The following PPP2R3A variants were observed in gnomAD, a reference collection of about 807,000 sequenced individuals.
PPP2R3A encodes the protein serine/threonine-protein phosphatase 2A regulatory subunit B'' subunit alpha.
In PPP2R3A, 80 loss-of-function variants were observed where a neutral mutation model predicts 106.9. That is an observed-to-expected ratio of 0.75 (90% CI 0.62 to 0.90). The LOEUF (loss-of-function observed/expected upper bound fraction) is 0.90, where lower values mean the gene tolerates loss of function less well. Among genes scored for constraint, PPP2R3A ranks in the 40% least tolerant of loss-of-function variants. PPP2R3A has a pLI of 0.00. For missense variants in PPP2R3A, 1,386 were observed against 1,350.4 expected (o/e 1.03, Z -0.41); for synonymous variants, 483 against 468.3 (o/e 1.03, Z -0.41).
chr3:136,006,158 A>G (rs896256271), intron 2 of PPP2R3A, among the ~76,000 whole-genome samples: 11 of 152,232 alleles, frequency 7.2e-5, no homozygotes, highest in Non-Finnish European at 1.6e-4. Context: ...GACTGAAATC[A>G]GAATCTTATT....
chr3:136,081,062 C>CG (rs1936765822), intron 7 of PPP2R3A, among the ~76,000 whole-genome samples: 1 of 151,698 alleles, frequency 6.6e-6, no homozygotes, highest in Non-Finnish European at 1.5e-5. Context: ...GGCGCGATCT[C>CG]GGCTCACTGC....
chr3:136,027,627 G>A (rs1934715906), intron 3 of PPP2R3A, among the ~76,000 whole-genome samples: 1 of 152,096 alleles, frequency 6.6e-6, no homozygotes, highest in African/African-American at 2.4e-5. Flanking sequence ...ACTTGATTCT[G>A]TGCCTCCAGC....
In PPP2R3A at chr3:136,087,919, G is replaced by A. The variant is rs777250031; in HGVS notation, c.2825G>A (p.Gly942Asp). 3 of 1,608,888 alleles carry A rather than the reference G, an allele frequency of 1.9e-6. No homozygotes were observed. The South Asian group carries it at 3.3e-5, about 18-fold the overall frequency. ...SSRIIERIFS[G>D]AVTRGKTIQK... is the part of the protein sequence containing the mutation. ...AGGATTATTGAAAGGATATTCTCTG[G>A]TGCAGTAACAAGGTAAGAAAACGTT... Residue 942 changes from glycine to aspartate, a missense_variant, in exon 9 of 14, where the codon GGT becomes GAT. Transcript: ENST00000264977.
intron 1 of PPP2R3A, among the ~76,000 whole-genome samples, chr3:135,999,215 A>G (rs546897419): frequency 3.3e-5 from 5 of 152,322 alleles, no homozygotes; most frequent in African/African-American, 1.2e-4. Context: ...TACTGTTGTA[A>G]GCATCTGACA....
In PPP2R3A at chr3:136,128,912, A is replaced by C. The variant is rs186652452; in HGVS notation, c.3330-16131A>C. On this transcript the variant is annotated intron_variant, in intron 13 of 13. Coordinates refer to ENST00000264977, the MANE Select transcript of PPP2R3A (RefSeq NM_002718.5). Reference sequence around the variant, plus strand: ...TGGAAACTAAACAACCTGCTCCTGAATGACTACTGGGTACATAACGAAATG... The same window carrying C: ...TGGAAACTAAACAACCTGCTCCTGACTGACTACTGGGTACATAACGAAATG... Among the ~76,000 whole-genome samples the C allele has an allele frequency of 5.7e-3, 874 of 152,306 alleles. 10 individuals are homozygous for C. Among genetic ancestry groups the C allele is most frequent in the African/African-American group, 0.02 (819 of 41,554 alleles).
In PPP2R3A at chr3:135,981,590, A is replaced by G. The variant is rs534146670; in HGVS notation, c.-441+15741A>G. On this transcript the variant is annotated intron_variant, in intron 1 of 13. Coordinates refer to ENST00000264977, the MANE Select transcript of PPP2R3A (RefSeq NM_002718.5). Reference sequence around the variant, plus strand: ...CCTTCTCTTCCTTCATTGAGTACTTATATATACTAGGCACTGTTTTAGTGT... The same window carrying G: ...CCTTCTCTTCCTTCATTGAGTACTTGTATATACTAGGCACTGTTTTAGTGT... Among the ~76,000 whole-genome samples the G allele has an allele frequency of 4.1e-4, 62 of 151,862 alleles. No homozygotes were observed. In the East Asian group the frequency reaches 0.012, roughly 28 times the overall value.
At chr3:135,990,849 C>T (rs1933130275) in intron 1 of PPP2R3A, among the ~76,000 whole-genome samples, 1 of 151,942 alleles carries the variant, frequency 6.6e-6, no homozygotes, top group Non-Finnish European at 1.5e-5. Context: ...AGTAATATCC[C>T]ACAATGCACA....
At chr3:135,988,715 A>G (rs1243362182) in intron 1 of PPP2R3A, among the ~76,000 whole-genome samples, 1 of 152,140 alleles carries the variant, frequency 6.6e-6, no homozygotes, top group Non-Finnish European at 1.5e-5. Context: ...ACACCAGTCC[A>G]GTTGTCTTAT....
chr3:136,105,699 C>T (rs964534081), intron 12 of PPP2R3A, among the ~76,000 whole-genome samples: 1 of 152,244 alleles, frequency 6.6e-6, no homozygotes, highest in East Asian at 1.9e-4. Flanking sequence ...CGGTGGCTCA[C>T]ACCTGTAATC....
chr3:136,063,154 AAAAC>A, intron 5 of PPP2R3A, among the ~76,000 whole-genome samples: 2 of 152,336 alleles, frequency 1.3e-5, no homozygotes, highest in East Asian at 3.9e-4. Context: ...AAACTTGACA[AAAAC>A]AAGCAATGGG....
At chr3:135,977,785 C>T (rs946076165) in intron 1 of PPP2R3A, among the ~76,000 whole-genome samples, 4 of 149,374 alleles carry the variant, frequency 2.7e-5, no homozygotes, top group Non-Finnish European at 5.9e-5. Flanking sequence ...CTGCGACCTC[C>T]GCTTCCCGGG....
intron 13 of PPP2R3A, among the ~76,000 whole-genome samples, chr3:136,127,025 G>T (rs1227773631): frequency 1.3e-5 from 2 of 152,156 alleles, no homozygotes; most frequent in African/African-American, 4.8e-5. Context: ...CAACATCAAA[G>T]ACCAAAGGTA....
chr3:136,082,530 C>T, intron 8 of PPP2R3A, 109 bp downstream of exon 8: 1 of 1,252,772 alleles, frequency 8.0e-7, no homozygotes, highest in Non-Finnish European at 1.1e-6. Context: ...CTAATCAAGT[C>T]CTCTTTACAG....
At chr3:136,009,738 A>G (rs1236062237) in intron 2 of PPP2R3A, among the ~76,000 whole-genome samples, 1 of 152,166 alleles carries the variant, frequency 6.6e-6, no homozygotes. Flanking sequence ...ATTCTGATGC[A>G]TGATTATGCT....
chr3:136,070,958 T>C (rs1213593966), intron 6 of PPP2R3A, among the ~76,000 whole-genome samples: 2 of 152,244 alleles, frequency 1.3e-5, no homozygotes, highest in African/African-American at 4.8e-5. Flanking sequence ...AAATAGCTTG[T>C]GTGTAATCAG....
chr3:136,114,709 T>G (rs1937673598), intron 13 of PPP2R3A, among the ~76,000 whole-genome samples: 1 of 152,200 alleles, frequency 6.6e-6, no homozygotes, highest in Non-Finnish European at 1.5e-5. Context: ...CCAAGGCTGC[T>G]GTGGCCAGAC....
At chr3:136,089,714 A>G (rs1286706188) in intron 9 of PPP2R3A, among the ~76,000 whole-genome samples, 1 of 151,674 alleles carries the variant, frequency 6.6e-6, no homozygotes, top group African/African-American at 2.4e-5. Flanking sequence ...TTTTAACGAT[A>G]TTGAATCTTC....
At chr3:136,087,362 A>C (rs1473629729) in intron 8 of PPP2R3A, 1 of 146,690 alleles carries the variant, frequency 6.8e-6, no homozygotes, top group East Asian at 2.1e-4. Flanking sequence ...GGAATTTCTA[A>C]AAATCTTATG....
chr3:136,057,987 T>C (rs1935933725), intron 5 of PPP2R3A, among the ~76,000 whole-genome samples: 1 of 151,748 alleles, frequency 6.6e-6, no homozygotes, highest in Non-Finnish European at 1.5e-5. Context: ...GTTGAAGAAA[T>C]ATCTACACTG....
Sources: gnomAD v4.1 joint callset for allele counts (sites outside exome capture counted in the v4.1 genomes callset) on GRCh38, gnomAD v4.1.1 for gene constraint, MANE v1.5 for transcripts, NCBI Gene and HGNC (gene_info 2026-07-23, HGNC 2026-07-21) for gene names.